The following CDH12 variants were observed in gnomAD, a reference collection of about 807,000 sequenced individuals.
The protein encoded by CDH12 is cadherin 12, also known as cadherin-12.
CDH12 carries 41 observed loss-of-function variants against 74.1 expected under a neutral mutation model. The ratio of observed to expected loss-of-function variants is 0.55; its 90% CI spans 0.43 to 0.72. The LOEUF (loss-of-function observed/expected upper bound fraction) is 0.72. Among genes scored for constraint, CDH12 ranks in the 30% least tolerant of loss-of-function variants. The pLI is 0.00. For missense variants in CDH12, 945 were observed against 977.2 expected, an observed-to-expected ratio of 0.97 and a Z score of 0.44; for synonymous variants, 399 against 355.0, an observed-to-expected ratio of 1.12 and a Z score of -1.39.
At chr5:21,901,546 A>G (rs1753384103) in intron 6 of CDH12, among the ~76,000 whole-genome samples, 1 of 152,150 alleles carries the variant, frequency 6.6e-6, no homozygotes, top group African/African-American at 2.4e-5. Context: ...TATTTATGTC[A>G]CTGGAACTAC....
In CDH12 at chr5:22,419,434, T is replaced by C. The variant is rs185118678; in HGVS notation, c.-427-14083A>G. Among the ~76,000 whole-genome samples, 68 of 152,284 alleles carry C rather than the reference T, an allele frequency of 4.5e-4. 1 individual carries two copies. The East Asian group carries it at 0.013, about 29-fold the overall frequency. On this transcript the variant is annotated intron_variant, in intron 2 of 14. Coordinates refer to ENST00000382254, the MANE Select transcript of CDH12 (RefSeq NM_004061.5). ...GTTTTCTGTTCCTGTGTTAGTTTGC[T>C]GAGGGTAATGGCTTCTACCTCCTTC... is the stretch of plus-strand genomic sequence containing the variant.
At chr5:21,985,530 T>C (rs1392525094) in intron 5 of CDH12, among the ~76,000 whole-genome samples, 1 of 152,164 alleles carries the variant, frequency 6.6e-6, no homozygotes, top group Non-Finnish European at 1.5e-5. Context: ...TAGAATGGTT[T>C]AGTAGTTAGT....
chr5:22,045,996 T>C (rs1739924162), intron 5 of CDH12, among the ~76,000 whole-genome samples: 1 of 152,168 alleles, frequency 6.6e-6, no homozygotes, highest in Non-Finnish European at 1.5e-5. Flanking sequence ...ATCAAACATA[T>C]TATCTCATAA....
At chr5:21,754,097 T>C (rs1239892566) in intron 14 of CDH12, among the ~76,000 whole-genome samples, 2 of 152,164 alleles carry the variant, frequency 1.3e-5, no homozygotes, top group African/African-American at 4.8e-5. Flanking sequence ...CAGTCCAACA[T>C]TGGACAGGCA....
chr5:22,608,985 CT>C (rs1213466879), intron 1 of CDH12, among the ~76,000 whole-genome samples: 2 of 152,110 alleles, frequency 1.3e-5, no homozygotes, highest in Non-Finnish European at 2.9e-5. Context: ...ACAAGGGAAC[CT>C]GGAAGGGCAT....
At chr5:21,753,993 G>A (rs1178231165) in intron 14 of CDH12, among the ~76,000 whole-genome samples, 3 of 152,098 alleles carry the variant, frequency 2.0e-5, no homozygotes, top group Non-Finnish European at 4.4e-5. Context: ...AGAGATAAAG[G>A]AAGACAAAGG....
intron 1 of CDH12, among the ~76,000 whole-genome samples, chr5:22,759,284 A>G (rs1369776251): frequency 6.6e-6 from 1 of 152,130 alleles, no homozygotes. Flanking sequence ...TTTTATTCTT[A>G]CCTTATTCTT....
At chr5:22,204,027 A>T (rs1428473986) in intron 4 of CDH12, among the ~76,000 whole-genome samples, 1 of 152,254 alleles carries the variant, frequency 6.6e-6, no homozygotes, top group Non-Finnish European at 1.5e-5. Flanking sequence ...GCGCAAAGAG[A>T]CAACTTACAG....
chr5:22,436,301 GA>G (rs1561402898), intron 2 of CDH12, among the ~76,000 whole-genome samples: 6 of 23,668 alleles, frequency 2.5e-4, no homozygotes, highest in Admixed American at 4.4e-4. Flanking sequence ...GGGGAGGGGG[GA>G]GGGGGGAGGG....
At chr5:21,835,089 G>GCAA (rs1409265274) in intron 8 of CDH12, among the ~76,000 whole-genome samples, 1 of 151,872 alleles carries the variant, frequency 6.6e-6, no homozygotes, top group Non-Finnish European at 1.5e-5. Flanking sequence ...GTGCAGGCAG[G>GCAA]CAATAGACTC....
chr5:22,406,333 C>A (rs967594963), intron 2 of CDH12, among the ~76,000 whole-genome samples: 2 of 152,186 alleles, frequency 1.3e-5, no homozygotes, highest in African/African-American at 4.8e-5. Flanking sequence ...TACTAGGTAT[C>A]GTCAATCCTG....
chr5:22,678,936 T>C (rs1009831605), intron 1 of CDH12, among the ~76,000 whole-genome samples: 6 of 152,248 alleles, frequency 3.9e-5, no homozygotes, highest in African/African-American at 1.2e-4. Flanking sequence ...TGCATTATTT[T>C]ATATTAAACA....
intron 2 of CDH12, among the ~76,000 whole-genome samples, chr5:22,448,594 A>C (rs1483740456): frequency 1.3e-5 from 2 of 152,072 alleles, no homozygotes; most frequent in Non-Finnish European, 2.9e-5. Context: ...GAATGCTTAC[A>C]CTAACTTTAA....
At chr5:22,049,475 C>A (rs1389177669) in intron 5 of CDH12, among the ~76,000 whole-genome samples, 1 of 151,982 alleles carries the variant, frequency 6.6e-6, no homozygotes, top group African/African-American at 2.4e-5. Context: ...TTCTAGTCAT[C>A]TTCCTTTTTC....
intron 6 of CDH12, among the ~76,000 whole-genome samples, chr5:21,956,572 A>C (rs1436636615): frequency 1.3e-5 from 2 of 152,076 alleles, no homozygotes; most frequent in Non-Finnish European, 1.5e-5. Flanking sequence ...TTGCTTGTAA[A>C]AGGTATTTTT....
At chr5:22,312,173 G>A (rs1317575880) in intron 3 of CDH12, among the ~76,000 whole-genome samples, 3 of 151,568 alleles carry the variant, frequency 2.0e-5, no homozygotes, top group African/African-American at 4.9e-5. Context: ...TATACATTAC[G>A]ATTAACAAAA....
chr5:22,149,798 C>T (rs1222089562), intron 4 of CDH12, among the ~76,000 whole-genome samples: 1 of 151,976 alleles, frequency 6.6e-6, no homozygotes, highest in African/African-American at 2.4e-5. Context: ...AGTTCAAGAC[C>T]AGCCTGGCCA....
chr5:22,764,820 T>C (rs116697004), intron 1 of CDH12, among the ~76,000 whole-genome samples: 11 of 152,104 alleles, frequency 7.2e-5, no homozygotes, highest in Non-Finnish European at 1.3e-4. Context: ...GAAAATAATT[T>C]GCCTGTACTC....
chr5:22,528,119 A>G (rs1272194885), intron 1 of CDH12, among the ~76,000 whole-genome samples: 1 of 152,170 alleles, frequency 6.6e-6, no homozygotes, highest in Non-Finnish European at 1.5e-5. Flanking sequence ...CAGATTAGTT[A>G]GAGGCCTAGA....
Sources: gnomAD v4.1 joint callset for allele counts (sites outside exome capture counted in the v4.1 genomes callset) on GRCh38, gnomAD v4.1.1 for gene constraint, MANE v1.5 for transcripts, NCBI Gene and HGNC (gene_info 2026-07-23, HGNC 2026-07-21) for gene names.